PYY: variants seen among roughly 807,000 people sequenced by gnomAD.
PYY encodes peptide YY.
PYY carries 12 observed loss-of-function variants against 10.3 expected under a neutral mutation model. The observed-to-expected ratio is 1.17, with a 90% CI of 0.75 to 1.89. PYY has a LOEUF of 1.89. Ranked by LOEUF, PYY falls within the 40% of genes most tolerant of loss-of-function variation. The pLI, the probability that PYY is intolerant of heterozygous loss-of-function variation, is 0.00. For missense variants in PYY, 141 were observed against 134.0 expected, an observed-to-expected ratio of 1.05 and a Z score of -0.26; for synonymous variants, 66 against 62.0, an observed-to-expected ratio of 1.06 and a Z score of -0.30.
At chr17:43,982,836 A>T (rs1433580051) in intron 1 of PYY, among the ~76,000 whole-genome samples, 1 of 152,118 alleles carries the variant, frequency 6.6e-6, no homozygotes, top group Admixed American at 6.5e-5. Flanking sequence ...CCTGGATAAG[A>T]GGGTTTCTTC....
At position 43,952,878 on chromosome 17, in the gene PYY, C is replaced by T. The variant is rs1243933733; in HGVS notation, c.*78G>A. On this transcript the variant is annotated 3_prime_UTR_variant, in exon 4 of 4. Coordinates refer to ENST00000692052, the MANE Select transcript of PYY (RefSeq NM_001394028.1). ...GACGCCGCCGTCGGGAGGCAGAATCCGGGTTTCTGGGGTCGGGAGTGCGTA... is the reference window on the plus strand; with the variant it reads ...GACGCCGCCGTCGGGAGGCAGAATCTGGGTTTCTGGGGTCGGGAGTGCGTA... 6.9e-7 allele frequency: 1 copy of T among 1,440,634 alleles called. No homozygotes were observed. The highest frequency in any genetic ancestry group is 9.2e-7 in the Non-Finnish European group (1 of 1,081,522). The allele number at this position is 1,440,634 out of a possible 1,614,324, so 89.2% of individuals were successfully genotyped here.
intron 1 of PYY, among the ~76,000 whole-genome samples, chr17:43,973,351 G>A (rs1397665415): frequency 2.0e-5 from 3 of 152,134 alleles, no homozygotes; most frequent in Non-Finnish European, 4.4e-5. Flanking sequence ...GGTCGTTGTG[G>A]AGGAAAAGTT....
chr17:43,994,985 C>T (rs548286584), intron 1 of PYY, among the ~76,000 whole-genome samples: 2 of 152,304 alleles, frequency 1.3e-5, no homozygotes, highest in East Asian at 3.9e-4. Context: ...TTCACTCCGC[C>T]GGTCCCCGCA....
At chr17:43,958,462 A>C (rs2048690564), upstream of PYY, among the ~76,000 whole-genome samples, 1 of 151,476 alleles carries the variant, frequency 6.6e-6, no homozygotes, top group African/African-American at 2.4e-5. Context: ...AGCTCACTGC[A>C]ACCTCTGCCT....
chr17:43,998,494 G>T (rs1321170000), intron 1 of PYY, among the ~76,000 whole-genome samples: 1 of 152,074 alleles, frequency 6.6e-6, no homozygotes, highest in African/African-American at 2.4e-5. Context: ...GGAGGTGGAG[G>T]TTGCAGTGAG....
Position 43,975,893 on chromosome 17 carries a change from C to T in PYY, c.-462-9361G>A, listed in dbSNP as rs2048828877. Among the ~76,000 whole-genome samples the T allele has an allele frequency of 6.6e-4, 3 of 4,542 alleles. 1 individual carries two copies. Among genetic ancestry groups the T allele is most frequent in the Non-Finnish European group, 7.5e-4 (1 of 1,342 alleles). 3.0% of individuals were successfully genotyped at this position (4,542 alleles called of 152,430 possible). A position where few individuals can be genotyped will look rare whatever the true frequency, so the allele number is the denominator to read the frequency against. On this transcript the variant is annotated intron_variant, in intron 1 of 6. Coordinates refer to the PYY transcript ENST00000360085. ...ACGTGTCTACGTACGTGTACATACA[C>T]GTGTCTACGTACGTGTACATACACG...
intron 1 of PYY, among the ~76,000 whole-genome samples, chr17:43,992,169 AT>A: frequency 6.6e-6 from 1 of 152,196 alleles, no homozygotes; most frequent in Non-Finnish European, 1.5e-5. Flanking sequence ...CCTCTTCTGA[AT>A]ATTTATCCTT....
upstream of PYY, among the ~76,000 whole-genome samples, chr17:43,954,143 C>A (rs540917951): frequency 7.8e-4 from 119 of 152,318 alleles, no homozygotes; most frequent in African/African-American, 2.5e-3. Flanking sequence ...GATTCGTGGT[C>A]TCACTGGATG....
At chr17:43,976,846 A>G (rs755105250) in intron 1 of PYY, among the ~76,000 whole-genome samples, 1 of 152,164 alleles carries the variant, frequency 6.6e-6, no homozygotes, top group Non-Finnish European at 1.5e-5. Flanking sequence ...CCCTACCAAA[A>G]TGTGGTTTCC....
intron 1 of PYY, among the ~76,000 whole-genome samples, chr17:44,003,825 AT>A (rs1354755011): frequency 1.3e-5 from 2 of 151,924 alleles, no homozygotes; most frequent in Admixed American, 6.6e-5. Context: ...TTCAAAAAAA[AT>A]AATTTTTTTT....
At chr17:43,957,967 T>C (rs2048685713), upstream of PYY, 3 of 154,752 alleles carry the variant, frequency 1.9e-5, no homozygotes, top group African/African-American at 7.2e-5. Flanking sequence ...CAGTAACAGA[T>C]ACTTGTGGTG....
intron 1 of PYY, among the ~76,000 whole-genome samples, chr17:43,993,489 G>A (rs1368590659): frequency 1.3e-5 from 2 of 151,828 alleles, no homozygotes; most frequent in Admixed American, 6.6e-5. Flanking sequence ...AGCCAGGCAT[G>A]GTGGGGCACA....
At chr17:44,001,247 G>A (rs2049024694) in intron 1 of PYY, among the ~76,000 whole-genome samples, 1 of 152,142 alleles carries the variant, frequency 6.6e-6, no homozygotes. Flanking sequence ...GCTTAAACCT[G>A]GCTACTGTGC....
chr17:43,973,623 C>G (rs9899479), intron 1 of PYY, among the ~76,000 whole-genome samples: 5,087 of 152,054 alleles, frequency 0.033, 267 homozygotes, highest in African/African-American at 0.11. Flanking sequence ...GGTGAAACCC[C>G]GTCTCTACTA....
At chr17:43,964,540 C>T (rs1212954526) in intron 2 of PYY, among the ~76,000 whole-genome samples, 1 of 152,178 alleles carries the variant, frequency 6.6e-6, no homozygotes, top group East Asian at 1.9e-4. Flanking sequence ...CACCTGAGGT[C>T]GGGAGTTTGA....
chr17:43,965,114 G>A (rs1275035477), intron 2 of PYY, among the ~76,000 whole-genome samples: 1 of 151,806 alleles, frequency 6.6e-6, no homozygotes, highest in African/African-American at 2.4e-5. Context: ...ATCCAGACTA[G>A]TCTTTTTTTT....
At chr17:43,994,622 T>A (rs1052036933) in intron 1 of PYY, among the ~76,000 whole-genome samples, 2 of 152,088 alleles carry the variant, frequency 1.3e-5, no homozygotes, top group African/African-American at 4.8e-5. Context: ...CCCATTAACG[T>A]GTCCCGCCCG....
At chr17:43,964,370 TC>T (rs1479644591) in intron 2 of PYY, among the ~76,000 whole-genome samples, 5 of 152,182 alleles carry the variant, frequency 3.3e-5, no homozygotes, top group African/African-American at 1.2e-4. Context: ...TCCTGAGGAA[TC>T]TACTAGAGAA....
rs1477298911 is a variant in PYY at position 43,953,280 on chromosome 17, C to T, written c.188+16G>A. 3 of 1,608,490 alleles carry T rather than the reference C, an allele frequency of 1.9e-6. No individual in the cohort carries two copies. The South Asian group carries it at 3.3e-5, about 18-fold the overall frequency. On this transcript the variant is annotated intron_variant, in intron 2 of 3. Coordinates refer to ENST00000692052, the MANE Select transcript of PYY (RefSeq NM_001394028.1). ...GGGTGAGAGCCCCAGGGGTCCCGCT[C>T]CGCGCCTGCGCTCACCGCTGCCGGG...
Sources: gnomAD v4.1 joint callset for allele counts (sites outside exome capture counted in the v4.1 genomes callset) on GRCh38, gnomAD v4.1.1 for gene constraint, MANE v1.5 for transcripts, NCBI Gene and HGNC (gene_info 2026-07-23, HGNC 2026-07-21) for gene names.